Variants in EPHA3 observed in about 807,000 individuals in gnomAD.
EPHA3 encodes ephrin type-A receptor 3.
EPHA3 carries 42 observed loss-of-function variants against 107.1 expected under a neutral mutation model. The observed-to-expected ratio is 0.39, with a 90% confidence interval of 0.31 to 0.51. EPHA3 has a LOEUF of 0.51. EPHA3 is among the 20% of genes least tolerant of loss of function. The pLI is 0.78. For synonymous variants in EPHA3, 461 were observed against 424.8 expected, an observed-to-expected ratio of 1.09 and a Z score of -1.05; for missense variants, 1,183 against 1,211.2, an observed-to-expected ratio of 0.98 and a Z score of 0.35.
chr3:89,198,253 T>C (rs1705892977), intron 2 of EPHA3, among the ~76,000 whole-genome samples: 1 of 152,202 alleles, frequency 6.6e-6, no homozygotes, highest in South Asian at 2.1e-4. Flanking sequence ...AGCATAATAA[T>C]AATGAATGTT....
At chr3:89,476,155 A>G (rs1291624794) in intron 16 of EPHA3, among the ~76,000 whole-genome samples, 1 of 147,668 alleles carries the variant, frequency 6.8e-6, no homozygotes, top group Admixed American at 6.8e-5. Context: ...ATAATATATA[A>G]TGTTTATATA....
intron 3 of EPHA3, among the ~76,000 whole-genome samples, chr3:89,320,547 G>T (rs1430877857): frequency 2.0e-5 from 3 of 151,846 alleles, no homozygotes; most frequent in East Asian, 1.9e-4. Context: ...AATAGATGAA[G>T]AACTCTATTT....
chr3:89,429,703 T>C (rs1239144396), intron 12 of EPHA3, among the ~76,000 whole-genome samples: 2 of 134,818 alleles, frequency 1.5e-5, no homozygotes, highest in Non-Finnish European at 3.4e-5. Context: ...ATCATCTATC[T>C]ATCTATCTAT....
intron 16 of EPHA3, among the ~76,000 whole-genome samples, chr3:89,477,286 A>C (rs1486393683): frequency 6.6e-6 from 1 of 152,112 alleles, no homozygotes; most frequent in Non-Finnish European, 1.5e-5. Context: ...CCTGAGAAAG[A>C]GTATGATCAG....
intron 3 of EPHA3, among the ~76,000 whole-genome samples, chr3:89,227,461 A>G (rs1304481293): frequency 3.3e-5 from 5 of 152,060 alleles, no homozygotes; most frequent in Admixed American, 6.6e-5. Flanking sequence ...TTTCTTGAGT[A>G]AATATTAAAT....
chr3:89,301,811 C>T (rs1010496091), intron 3 of EPHA3, among the ~76,000 whole-genome samples: 5 of 151,804 alleles, frequency 3.3e-5, no homozygotes, highest in South Asian at 2.1e-4. Flanking sequence ...AATGATAGTC[C>T]GGAATATTAT....
At chr3:89,128,328 A>T (rs1358703182) in intron 2 of EPHA3, among the ~76,000 whole-genome samples, 3 of 152,106 alleles carry the variant, frequency 2.0e-5, no homozygotes, top group Non-Finnish European at 4.4e-5. Context: ...CCAAAACCTA[A>T]AATCAAGCCT....
At chr3:89,343,196 G>A (rs1053556249) in intron 5 of EPHA3, among the ~76,000 whole-genome samples, 15 of 152,218 alleles carry the variant, frequency 9.9e-5, no homozygotes, top group African/African-American at 3.4e-4. Flanking sequence ...CAAATCATGA[G>A]CCAAAAAAAC....
At chr3:89,371,073 C>G (rs1708291113) in intron 5 of EPHA3, among the ~76,000 whole-genome samples, 1 of 151,630 alleles carries the variant, frequency 6.6e-6, no homozygotes, top group South Asian at 2.1e-4. Flanking sequence ...ATAAATATTT[C>G]AAGGTAGTCA....
intron 2 of EPHA3, among the ~76,000 whole-genome samples, chr3:89,178,658 T>C (rs1240086624): frequency 6.6e-6 from 1 of 151,988 alleles, no homozygotes; most frequent in Non-Finnish European, 1.5e-5. Context: ...TCTGTTTTAT[T>C]ATTAATTCTG....
chr3:89,234,775 TCTCC>T (rs1158274516), intron 3 of EPHA3, among the ~76,000 whole-genome samples: 30 of 124,648 alleles, frequency 2.4e-4, no homozygotes, highest in Admixed American at 8.3e-4. Context: ...TTCCTCCCTC[TCTCC>T]CTCCCTCCCT....
intron 2 of EPHA3, among the ~76,000 whole-genome samples, chr3:89,173,713 A>G (rs547186213): frequency 6.6e-6 from 1 of 152,118 alleles, no homozygotes; most frequent in Admixed American, 6.5e-5. Flanking sequence ...ATTTTTCCTC[A>G]CAATAATTGG....
intron 1 of EPHA3, among the ~76,000 whole-genome samples, chr3:89,110,845 A>G (rs533158679): frequency 6.6e-6 from 1 of 152,126 alleles, no homozygotes; most frequent in Admixed American, 6.5e-5. Context: ...GGTTACTTCA[A>G]CCCTTTCAGA....
At chr3:89,330,143 T>C (rs550192787) in intron 3 of EPHA3, among the ~76,000 whole-genome samples, 1 of 152,142 alleles carries the variant, frequency 6.6e-6, no homozygotes, top group East Asian at 1.9e-4. Context: ...GAGAAATCCA[T>C]TCTTATCTAT....
Position 89,300,212 on chromosome 3 carries a change from TA to T in EPHA3, c.815-40703del, listed in dbSNP as rs1404952120. Among the ~76,000 whole-genome samples, 4 of 152,122 alleles carry T rather than the reference TA, an allele frequency of 2.6e-5. No homozygotes were observed. In the East Asian group the frequency reaches 5.8e-4, roughly 22 times the overall value. ...GCATTTTCTTTACACAATGGATTAT[TA>T]TTTTTTTAATCAGGAAGATAGTATT... On this transcript the variant is annotated intron_variant, in intron 3 of 16. Transcript: ENST00000336596.
intron 2 of EPHA3, among the ~76,000 whole-genome samples, chr3:89,194,211 C>T (rs969274273): frequency 7.2e-5 from 11 of 151,848 alleles, no homozygotes; most frequent in African/African-American, 2.7e-4. Context: ...GATTGATGTG[C>T]TAACAAAACG....
rs1436370391 is a variant in EPHA3, at chr3:89,219,698, T to G, written c.814+9178T>G. ...GAGGCATTTGGCAATGTTTTTTTTT[T>G]TTTTGTTTTTTGTTTTTTTTTTTTT... is the stretch of plus-strand genomic sequence containing the variant. On this transcript the variant is annotated intron_variant, in intron 3 of 16. Transcript: ENST00000336596. Among the ~76,000 whole-genome samples the G allele has an allele frequency of 1.2e-3, 15 of 12,618 alleles. 1 individual carries two copies. Among genetic ancestry groups the G allele is most frequent in the East Asian group, 5.6e-3 (3 of 538 alleles). The allele number at this position is 12,618 out of a possible 152,430, so 8.3% of individuals were successfully genotyped here. A position where few individuals can be genotyped will look rare whatever the true frequency, so the allele number is the denominator to read the frequency against.
chr3:89,365,427 A>G (rs76088701), intron 5 of EPHA3, among the ~76,000 whole-genome samples: 2,333 of 150,670 alleles, frequency 0.015, 63 homozygotes, highest in African/African-American at 0.053. Context: ...ATTTAGTCAT[A>G]GATACAAAAC....
chr3:89,409,569 T>C (rs187190689), intron 9 of EPHA3, among the ~76,000 whole-genome samples: 235 of 152,202 alleles, frequency 1.5e-3, no homozygotes, highest in Non-Finnish European at 2.6e-3. Flanking sequence ...GGTGGATTTT[T>C]GTTGAAACTT....
Sources: gnomAD v4.1 joint callset for allele counts (sites outside exome capture counted in the v4.1 genomes callset) on GRCh38, gnomAD v4.1.1 for gene constraint, MANE v1.5 for transcripts, NCBI Gene and HGNC (gene_info 2026-07-23, HGNC 2026-07-21) for gene names.